TRPM7: variants seen among roughly 807,000 people sequenced by gnomAD.
TRPM7 encodes transient receptor potential cation channel subfamily M member 7.
TRPM7 carries 134 observed loss-of-function variants against 229.7 expected under a neutral mutation model. The observed-to-expected ratio is 0.58, with a 90% CI of 0.51 to 0.67. TRPM7 has a LOEUF of 0.67. Ranked by LOEUF, TRPM7 falls within the 30% of genes least tolerant of loss-of-function variation. TRPM7 has a pLI of 0.00. For missense variants in TRPM7, 1,901 were observed against 2,210.0 expected (o/e 0.86, Z 2.80); for synonymous variants, 699 against 715.2 (o/e 0.98, Z 0.36).
chr15:50,646,327 G>A (rs2061264045), intron 4 of TRPM7, among the ~76,000 whole-genome samples: 1 of 152,108 alleles, frequency 6.6e-6, no homozygotes, highest in Non-Finnish European at 1.5e-5. Flanking sequence ...TGTTGCCCAG[G>A]CTAGACTTTG....
chr15:50,653,423 C>T (rs1286613792), intron 3 of TRPM7, among the ~76,000 whole-genome samples: 7 of 152,156 alleles, frequency 4.6e-5, no homozygotes, highest in African/African-American at 1.7e-4. Flanking sequence ...CCACTACATG[C>T]TAAGTCTTGT....
intron 19 of TRPM7, among the ~76,000 whole-genome samples, chr15:50,607,536 A>C (rs2059949600): frequency 6.6e-6 from 1 of 152,200 alleles, no homozygotes; most frequent in Non-Finnish European, 1.5e-5. Flanking sequence ...CCAGAGTATA[A>C]ACGTGTTGTT....
intron 29 of TRPM7, among the ~76,000 whole-genome samples, chr15:50,581,434 G>C (rs7174266): frequency 0.066 from 10,042 of 151,976 alleles, 479 homozygotes; most frequent in African/African-American, 0.13. Context: ...GGGAGGTGGA[G>C]GTTGCAGTGA....
chr15:50,656,083 C>T (rs4775898), intron 3 of TRPM7, among the ~76,000 whole-genome samples: 148,446 of 151,954 alleles, frequency 0.98, 72,613 homozygotes, highest in Middle Eastern at 1. Context: ...ATTCTTCAAA[C>T]ATGAAAATAA....
Position 50,605,139 on chromosome 15 carries a change from A to G in TRPM7, c.2715T>C (p.Phe905=). The change falls in exon 21 of 39, where the codon TTT becomes TTC. Residue 905 remains phenylalanine (F), a synonymous_variant. Coordinates refer to ENST00000646667, the MANE Select transcript of TRPM7 (RefSeq NM_017672.6). ...GGTTTACTTTCCCAGCTTCAGACAT[A>G]AAGATCTAAAGGTTTAACAACAACA... ...TYAIEKVREI[F]MSEAGKVNQK... The G allele has an allele frequency of 1.3e-6, 2 of 1,591,068 alleles. No homozygotes were observed. The highest frequency in any genetic ancestry group is 8.5e-7 in the Non-Finnish European group (1 of 1,171,118).
chr15:50,590,276 A>G (rs960907678), intron 26 of TRPM7, among the ~76,000 whole-genome samples: 2 of 152,304 alleles, frequency 1.3e-5, no homozygotes, highest in African/African-American at 4.8e-5. Context: ...CATTTTTACT[A>G]TTAATAAAAA....
intron 1 of TRPM7, among the ~76,000 whole-genome samples, chr15:50,682,173 C>CAAAAAAAAAAAGAAA: frequency 1.6e-5 from 1 of 63,684 alleles, no homozygotes; most frequent in African/African-American, 6.7e-5. Context: ...AACTCAGTCT[C>CAAAAAAAAAAAGAAA]AAAAAAAAAA....
chr15:50,607,090 A>G (rs532575522), intron 20 of TRPM7, 110 bp downstream of exon 20: 98 of 927,544 alleles, frequency 1.1e-4, no homozygotes, highest in Admixed American at 1.7e-4. Flanking sequence ...CACTTCTACA[A>G]TGTCATCATA....
chr15:50,596,212 A>G lies in TRPM7; in HGVS notation c.3290+43T>C, dbSNP rs747445518. On this transcript the variant is annotated intron_variant, in intron 23 of 38. Transcript: ENST00000646667. ...TTTCCTTCAAAATATGTAGAATTGC[A>G]TATTAAATCATCTTATAACAAACAA... 2.3e-6 allele frequency: 3 copies of G among 1,313,016 alleles called. No individual in the cohort carries two copies. In the East Asian group the frequency reaches 7.8e-5, roughly 34 times the overall value. The allele number at this position is 1,313,016 out of a possible 1,614,324, so 81.3% of individuals were successfully genotyped here.
Position 50,686,758 on chromosome 15 carries a change from CGCGCCCGCGCCCGCCTCCG to C in TRPM7, c.-244_-226del. 2.0e-6 allele frequency: 1 copy of C among 493,636 alleles called. No homozygotes were observed. The highest frequency in any genetic ancestry group is 3.4e-6 in the Non-Finnish European group (1 of 292,894). The allele number at this position is 493,636 out of a possible 1,614,324, so 30.6% of individuals were successfully genotyped here. A position where few individuals can be genotyped will look rare whatever the true frequency, so the allele number is the denominator to read the frequency against. On this transcript the variant is annotated 5_prime_UTR_variant, in exon 1 of 39. Transcript: ENST00000646667. ...TCCTCCGGGTGACTGGCCACAGGGA[CGCGCCCGCGCCCGCCTCCG>C]CCGGCGACGGGGCTGGGGACGGACC...
rs961995535 is a variant in TRPM7, at chr15:50,631,574, G to C, written c.1132-85C>G. 24 of 789,106 alleles carry C rather than the reference G, an allele frequency of 3.0e-5. No homozygotes were observed. In the Middle Eastern group the frequency reaches 1.0e-3, roughly 33 times the overall value. 48.9% of individuals were successfully genotyped at this position (789,106 alleles called of 1,614,324 possible). A position where few individuals can be genotyped will look rare whatever the true frequency, so the allele number is the denominator to read the frequency against. On this transcript the variant is annotated intron_variant, in intron 9 of 38. Transcript: ENST00000646667. ...AAACTCAGTAATTTCAAACTATATGGGGGGCAAAATATATATGTATGTATC... is the reference window on the plus strand; with the variant it reads ...AAACTCAGTAATTTCAAACTATATGCGGGGCAAAATATATATGTATGTATC...
intron 12 of TRPM7, among the ~76,000 whole-genome samples, chr15:50,623,745 T>C (rs2060483146): frequency 6.7e-6 from 1 of 149,794 alleles, no homozygotes; most frequent in South Asian, 2.1e-4. Flanking sequence ...ATGAAAACAG[T>C]ATGTAAGCTA....
chr15:50,663,639 A>G (rs1240866223), intron 1 of TRPM7, among the ~76,000 whole-genome samples: 2 of 152,164 alleles, frequency 1.3e-5, no homozygotes, highest in Admixed American at 1.3e-4. Flanking sequence ...AAACCTTAAG[A>G]GGGGCTGGTA....
At chr15:50,587,456 AGTT>A (rs150482259) in intron 27 of TRPM7, among the ~76,000 whole-genome samples, 43 of 146,484 alleles carry the variant, frequency 2.9e-4, no homozygotes, top group African/African-American at 1.1e-3. Context: ...TCAAAAAAAA[AGTT>A]GTTTAAATCA....
At chr15:50,665,235 TA>T (rs1368382204) in intron 1 of TRPM7, among the ~76,000 whole-genome samples, 7 of 151,754 alleles carry the variant, frequency 4.6e-5, no homozygotes, top group Non-Finnish European at 4.4e-5. Context: ...CCGTCTCTAC[TA>T]AAAGTACAAA....
chr15:50,596,847 T>A (rs1021326812), intron 22 of TRPM7, among the ~76,000 whole-genome samples: 1 of 152,060 alleles, frequency 6.6e-6, no homozygotes, highest in Non-Finnish European at 1.5e-5. Context: ...GGCTCCTGGG[T>A]TAAAGCAATT....
Position 50,557,546 on chromosome 15 carries a change from AT to A in TRPM7, c.*4131del. 1 of 152,248 alleles carries A rather than the reference AT, an allele frequency of 6.6e-6. No individual in the cohort carries two copies. Among genetic ancestry groups the A allele is most frequent in the East Asian group, 1.9e-4 (1 of 5,202 alleles). The allele number at this position is 152,248 out of a possible 1,614,324, so 9.4% of individuals were successfully genotyped here. A position where few individuals can be genotyped will look rare whatever the true frequency, so the allele number is the denominator to read the frequency against. The stretch of plus-strand genomic sequence containing the variant: ...ACAATCCAATATAATCTTTTCTATA[AT>A]TTCCAATACAATCAACATGTATTAC... On this transcript the variant is annotated 3_prime_UTR_variant, in exon 39 of 39. Transcript: ENST00000646667.
chr15:50,631,135 T>C (rs566841412), intron 10 of TRPM7, among the ~76,000 whole-genome samples: 4 of 152,166 alleles, frequency 2.6e-5, no homozygotes, highest in African/African-American at 7.2e-5. Context: ...CCCAGGATGT[T>C]AGACGTTCTT....
chr15:50,571,921 A>G (rs765528829), intron 36 of TRPM7, among the ~76,000 whole-genome samples: 2 of 152,254 alleles, frequency 1.3e-5, no homozygotes, highest in Non-Finnish European at 2.9e-5. Flanking sequence ...TTTTGAAAGA[A>G]GTTCCACTGT....
Sources: gnomAD v4.1 joint callset for allele counts (sites outside exome capture counted in the v4.1 genomes callset) on GRCh38, gnomAD v4.1.1 for gene constraint, MANE v1.5 for transcripts, NCBI Gene and HGNC (gene_info 2026-07-23, HGNC 2026-07-21) for gene names.